Variants in LRRK1 observed in about 807,000 individuals in gnomAD.
The protein encoded by LRRK1 is leucine rich repeat kinase 1, also known as leucine-rich repeat serine/threonine-protein kinase 1.
A neutral mutation model predicts 209.1 loss-of-function variants in LRRK1; 113 were observed. The ratio of observed to expected loss-of-function variants is 0.54; its 90% CI spans 0.46 to 0.63. The LOEUF is 0.63. Ranked by LOEUF, LRRK1 falls within the 30% of genes least tolerant of loss-of-function variation. The probability of loss-of-function intolerance (pLI) is 0.00; values close to 1 mark genes in which losing one functional copy is unlikely to be tolerated. For synonymous variants in LRRK1, 1,144 were observed against 1,099.7 expected (o/e 1.04, Z -0.80); for missense variants, 2,284 against 2,632.2 (o/e 0.87, Z 2.89).
chr15:101,063,308 C>T (rs1397437868), intron 31 of LRRK1, among the ~76,000 whole-genome samples: 1 of 152,224 alleles, frequency 6.6e-6, no homozygotes, highest in Non-Finnish European at 1.5e-5. Flanking sequence ...GGCCTCCAGT[C>T]CCTGCTGGGC....
chr15:101,015,835 G>A (rs1379229048), intron 12 of LRRK1, among the ~76,000 whole-genome samples: 2 of 152,156 alleles, frequency 1.3e-5, no homozygotes, highest in Non-Finnish European at 2.9e-5. Context: ...TGCTTCAGCA[G>A]CAGACACTTA....
intron 20 of LRRK1, among the ~76,000 whole-genome samples, chr15:101,032,438 C>T (rs113053617): frequency 0.12 from 17,123 of 141,266 alleles, 1,254 homozygotes; most frequent in Non-Finnish European, 0.16. Flanking sequence ...CCTCCCCCTA[C>T]CCGATACAAG....
At chr15:101,021,775 CGTGTGTGTGTGT>C (rs3031683) in intron 13 of LRRK1, 58 bp from the exon 14 acceptor site, 457,964 of 854,996 alleles carry the variant, frequency 0.54, 76,100 homozygotes, top group Non-Finnish European at 0.56. Context: ...CACGTGTGTG[CGTGTGTGTGTGT>C]GTGTGTGTGT....
intron 2 of LRRK1, among the ~76,000 whole-genome samples, chr15:100,931,648 C>T (rs1416478808): frequency 2.6e-5 from 4 of 152,124 alleles, no homozygotes; most frequent in Non-Finnish European, 5.9e-5. Flanking sequence ...GGGGCTGGCG[C>T]GGGAGGCCAG....
chr15:101,065,146 G>C, intron 31 of LRRK1: 1 of 611,320 alleles, frequency 1.6e-6, no homozygotes, highest in Non-Finnish European at 2.9e-6. Flanking sequence ...TTGCTGCAGG[G>C]ATGGTAGATA....
At chr15:100,938,714 T>A (rs1475999572) in intron 2 of LRRK1, among the ~76,000 whole-genome samples, 1 of 152,140 alleles carries the variant, frequency 6.6e-6, no homozygotes, top group African/African-American at 2.4e-5. Context: ...TAAATGTATG[T>A]TTAAAAGTGT....
intron 20 of LRRK1, among the ~76,000 whole-genome samples, chr15:101,033,373 T>C (rs116557701): frequency 0.013 from 1,942 of 152,280 alleles, 44 homozygotes; most frequent in African/African-American, 0.044. Context: ...TTAGAACTTA[T>C]TTCTTCTAAC....
intron 6 of LRRK1, among the ~76,000 whole-genome samples, chr15:100,989,996 A>G (rs1414940414): frequency 6.6e-6 from 1 of 152,176 alleles, no homozygotes; most frequent in East Asian, 1.9e-4. Context: ...AGTGATCACA[A>G]TTGAGAGTGG....
At position 101,051,730 on chromosome 15, in the gene LRRK1, C is replaced by T. The variant is rs770832530; in HGVS notation, c.3459C>T (p.Ser1153=). Residue 1153 remains serine, a synonymous_variant, in exon 24 of 34, where the codon AGC becomes AGT. Coordinates refer to ENST00000388948, the MANE Select transcript of LRRK1 (RefSeq NM_024652.6). ...QWFPALTATE[S]DGTPLMEQYV... ...ATTTAGCCCTGACAGCCACAGAGAGCGACGGGACGCCACTCATGGAGCAGT... is the reference window on the plus strand; with the variant it reads ...ATTTAGCCCTGACAGCCACAGAGAGTGACGGGACGCCACTCATGGAGCAGT... The T allele has an allele frequency of 1.5e-5, 25 of 1,613,706 alleles. No individual in the cohort carries two copies. The highest frequency in any genetic ancestry group is 6.7e-5 in the East Asian group (3 of 44,894).
chr15:100,961,299 TC>T (rs1171715401), intron 2 of LRRK1, among the ~76,000 whole-genome samples: 1 of 152,184 alleles, frequency 6.6e-6, no homozygotes. Flanking sequence ...AGGCTGCAAC[TC>T]CTAATACCAT....
rs566131063 is a variant in LRRK1 at position 101,016,449 on chromosome 15, G to A, written c.1609+1047G>A. ...GATCCGCCTGCCTCAGCCTCCCAAA[G>A]TGCTGGGATTACAGGTGTGAGCCAC... is the stretch of plus-strand genomic sequence containing the variant. On this transcript the variant is annotated intron_variant, in intron 12 of 33. Transcript: ENST00000388948. Among the ~76,000 whole-genome samples, 176 of 136,548 alleles carry A rather than the reference G, an allele frequency of 1.3e-3. 1 individual carries two copies. Among genetic ancestry groups the A allele is most frequent in the African/African-American group, 4.8e-3 (174 of 36,054 alleles). The allele number at this position is 136,548 out of a possible 152,430, so 89.6% of individuals were successfully genotyped here.
At chr15:100,967,571 T>G (rs957239037) in intron 2 of LRRK1, among the ~76,000 whole-genome samples, 1 of 151,852 alleles carries the variant, frequency 6.6e-6, no homozygotes, top group African/African-American at 2.4e-5. Flanking sequence ...AGGGAGCTCT[T>G]TGGTGGCAAG....
At position 101,057,025 on chromosome 15, in the gene LRRK1, A is replaced by C; in HGVS notation, c.4502A>C (p.Glu1501Ala). 6.2e-7 allele frequency: 1 copy of C among 1,612,530 alleles called. No homozygotes were observed. The highest frequency in any genetic ancestry group is 8.5e-7 in the Non-Finnish European group (1 of 1,179,204). The change falls in exon 28 of 34, where the codon GAG becomes GCG. Residue 1501 changes from glutamate to alanine, a missense_variant. Transcript: ENST00000388948. Reference sequence around the variant, plus strand: ...CGGCGACTGCAGGCGCTCATGATGGAGTGCTGGGACACTAAGCCAGAGAAG... The same window carrying C: ...CGGCGACTGCAGGCGCTCATGATGGCGTGCTGGGACACTAAGCCAGAGAAG... ...QFRRLQALMM[E>A]CWDTKPEKRP...
intron 2 of LRRK1, among the ~76,000 whole-genome samples, chr15:100,943,157 A>C (rs1434693840): frequency 6.6e-6 from 1 of 152,230 alleles, no homozygotes; most frequent in Non-Finnish European, 1.5e-5. Flanking sequence ...AATAGGGACA[A>C]GATGGCCTGC....
chr15:101,027,386 G>A lies in LRRK1; in HGVS notation c.2526+5G>A, dbSNP rs2034082114. On this transcript the variant is annotated splice_donor_5th_base_variant and intron_variant, in intron 18 of 33. Coordinates refer to ENST00000388948, the MANE Select transcript of LRRK1 (RefSeq NM_024652.6). The surrounding 1 kb of genome is among the most constrained non-coding windows in gnomAD (Gnocchi z 5.1). ...CAGCGACTGGCAGGGCGGCTGGTGG[G>A]TACCTTGCTGGTCCAGTTTAAACCA... 1 of 1,612,544 alleles carries A rather than the reference G, an allele frequency of 6.2e-7. No individual in the cohort carries two copies. Among genetic ancestry groups the A allele is most frequent in the African/African-American group, 1.3e-5 (1 of 74,890 alleles).
chr15:100,931,303 T>C (rs2042207288), intron 2 of LRRK1, among the ~76,000 whole-genome samples: 1 of 152,188 alleles, frequency 6.6e-6, no homozygotes, highest in Non-Finnish European at 1.5e-5. Flanking sequence ...CGTGGCACAT[T>C]GCCAAATGTT....
chr15:101,060,260 G>A (rs543627425), intron 29 of LRRK1, among the ~76,000 whole-genome samples: 2 of 152,218 alleles, frequency 1.3e-5, no homozygotes, highest in South Asian at 4.1e-4. Flanking sequence ...AGGTAAACAG[G>A]ATACGCCTAG....
chr15:101,022,298 A>G lies in LRRK1; in HGVS notation c.1853-85A>G. On this transcript the variant is annotated intron_variant, in intron 14 of 33. Transcript: ENST00000388948. This position sits in a 1 kb window ranked among gnomAD's most constrained non-coding sequence, Gnocchi z 4.0. ...TGTCCCCACTAAAACACAAAGAAGG[A>G]GTTCCTTCACAACAGGATTTTGTGT... The G allele has an allele frequency of 7.8e-7, 1 of 1,276,320 alleles. No individual in the cohort carries two copies. Among genetic ancestry groups the G allele is most frequent in the South Asian group, 1.3e-5 (1 of 78,218 alleles). The allele number at this position is 1,276,320 out of a possible 1,614,324, so 79.1% of individuals were successfully genotyped here.
Position 101,055,059 on chromosome 15 carries a change from G to C in LRRK1, c.4168G>C (p.Asp1390His). 6.2e-7 allele frequency: 1 copy of C among 1,614,148 alleles called. No homozygotes were observed. Among genetic ancestry groups the C allele is most frequent in the Non-Finnish European group, 8.5e-7 (1 of 1,180,008 alleles). Residue 1390 changes from aspartate (D) to histidine (H), a missense_variant, in exon 27 of 34, where the codon GAC (aspartate) becomes CAC (histidine). By Grantham distance (81) the Asp-to-His change is moderately conservative. Transcript: ENST00000388948. ...KNIIFCDLKS[D>H]NILVWSLDVK... ...CATCATCTTCTGTGACCTGAAGTCG[G>C]ACAACATTCTGGTGTGGTCCCTTGA...
Sources: allele counts gnomAD v4.1 joint callset (sites outside exome capture counted in the v4.1 genomes callset), GRCh38; gene constraint gnomAD v4.1.1; non-coding constraint Gnocchi (gnomAD v3.1); transcripts MANE v1.5; gene names NCBI Gene and HGNC (gene_info 2026-07-23, HGNC 2026-07-21).